The following ACYP2 variants were observed in gnomAD, a reference collection of about 807,000 sequenced individuals.
ACYP2 encodes the protein acylphosphatase 2, also known as acylphosphatase-2.
ACYP2 carries 12 observed loss-of-function variants against 11.2 expected under a neutral mutation model. The observed-to-expected ratio is 1.08, with a 90% CI of 0.69 to 1.74. The LOEUF is 1.74. Among genes scored for constraint, ACYP2 ranks in the 40% most tolerant of loss-of-function variants. The pLI is 0.00. For missense variants in ACYP2, 134 were observed against 101.9 expected, an observed-to-expected ratio of 1.31 and a Z score of -1.35; for synonymous variants, 43 against 32.2, an observed-to-expected ratio of 1.33 and a Z score of -1.13.
At position 54,038,673 on chromosome 2, in the gene ACYP2, CTATATA is replaced by C. The variant is rs56817782; in HGVS notation, c.63-12250_63-12245del. Among the ~76,000 whole-genome samples the C allele has an allele frequency of 5.7e-3, 603 of 106,022 alleles. 3 individuals carry two copies. Among genetic ancestry groups the C allele is most frequent in the African/African-American group, 0.013 (337 of 26,790 alleles). The allele number at this position is 106,022 out of a possible 152,430, so 69.6% of individuals were successfully genotyped here. A position where few individuals can be genotyped will look rare whatever the true frequency, so the allele number is the denominator to read the frequency against. The stretch of plus-strand genomic sequence containing the variant: ...TCATTCAATAAATCTTTATTGAATA[CTATATA>C]TATATATATATATATATATATATAT... On this transcript the variant is annotated intron_variant, in intron 2 of 6. Transcript: ENST00000607452.
chr2:54,044,493 G>A (rs1284096869), intron 2 of ACYP2, among the ~76,000 whole-genome samples: 1 of 151,878 alleles, frequency 6.6e-6, no homozygotes, highest in Non-Finnish European at 1.5e-5. Flanking sequence ...AGGCTGAGGT[G>A]GGAGGATCAC....
chr2:54,284,207 C>T (rs761181377), intron 6 of ACYP2, among the ~76,000 whole-genome samples: 6 of 151,804 alleles, frequency 4.0e-5, no homozygotes, highest in Non-Finnish European at 8.8e-5. Context: ...AAAGCATCCA[C>T]ATGCTTGTAG....
rs147416904 is a variant in ACYP2 at position 54,010,875 on chromosome 2, C to A, written c.62+37065C>A. Among the ~76,000 whole-genome samples the A allele has an allele frequency of 9.8e-4, 148 of 150,570 alleles. 1 individual carries two copies. The highest frequency in any genetic ancestry group is 3.5e-3 in the African/African-American group (145 of 40,924). ...GTAGAGACCAGGTTTCACCATGTTG[C>A]CCAGGCTGGTCTCGAACTCCTGATC... On this transcript the variant is annotated intron_variant, in intron 2 of 6. Coordinates refer to ENST00000607452, the MANE Select transcript of ACYP2 (RefSeq NM_001320586.2).
chr2:54,263,114 A>T (rs1687852265), intron 6 of ACYP2, among the ~76,000 whole-genome samples: 1 of 152,194 alleles, frequency 6.6e-6, no homozygotes, highest in Non-Finnish European at 1.5e-5. Flanking sequence ...TAAAGAAAAA[A>T]GTGTAATTGG....
At chr2:54,022,159 C>T (rs1573540004) in intron 2 of ACYP2, among the ~76,000 whole-genome samples, 2 of 151,950 alleles carry the variant, frequency 1.3e-5, no homozygotes, top group South Asian at 4.1e-4. Context: ...TTGCTTTTTT[C>T]CCTCTCTCCT....
At chr2:53,975,351 T>C (rs751351549) in intron 2 of ACYP2, 27 of 398,316 alleles carry the variant, frequency 6.8e-5, no homozygotes, top group Non-Finnish European at 1.1e-4. Flanking sequence ...CCTCTTATTC[T>C]AAATAAAGTT....
chr2:54,223,358 T>G (rs1286271898), intron 6 of ACYP2, among the ~76,000 whole-genome samples: 1 of 152,256 alleles, frequency 6.6e-6, no homozygotes, highest in African/African-American at 2.4e-5. Flanking sequence ...AGTCTATCTT[T>G]AGAATTTTAG....
At chr2:54,175,939 G>C (rs376557394) in intron 6 of ACYP2, among the ~76,000 whole-genome samples, 4 of 152,102 alleles carry the variant, frequency 2.6e-5, no homozygotes, top group African/African-American at 9.7e-5. Context: ...CACAAATGGG[G>C]TTAGCACCCT....
At chr2:54,039,021 A>C (rs1383536987) in intron 2 of ACYP2, among the ~76,000 whole-genome samples, 2 of 151,874 alleles carry the variant, frequency 1.3e-5, no homozygotes, top group African/African-American at 2.4e-5. Context: ...ACATCCCAGG[A>C]ACAGCTAGTA....
intron 2 of ACYP2, among the ~76,000 whole-genome samples, chr2:54,012,562 C>G (rs1558470850): frequency 6.6e-6 from 1 of 152,170 alleles, no homozygotes; most frequent in Non-Finnish European, 1.5e-5. Context: ...TCTCTGCTCT[C>G]CCTATGCTGA....
Position 54,222,549 on chromosome 2 carries a change from CAAAAAAAA to C in ACYP2, c.405-82126_405-82119del, listed in dbSNP as rs10607204. Among the ~76,000 whole-genome samples, 8 of 106,494 alleles carry C rather than the reference CAAAAAAAA, an allele frequency of 7.5e-5. No individual in the cohort carries two copies. In the South Asian group the frequency reaches 2.6e-3, roughly 34 times the overall value. 69.9% of individuals were successfully genotyped at this position (106,494 alleles called of 152,430 possible). A position where few individuals can be genotyped will look rare whatever the true frequency, so the allele number is the denominator to read the frequency against. ...TGGGTGACAGAGCGAGACTCTGTCT[CAAAAAAAA>C]AAAAAAAAAAAATTACAAACTGATT... On this transcript the variant is annotated intron_variant, in intron 6 of 6. Transcript: ENST00000607452.
At chr2:54,276,211 C>G (rs1482818172) in intron 6 of ACYP2, among the ~76,000 whole-genome samples, 1 of 151,002 alleles carries the variant, frequency 6.6e-6, no homozygotes, top group Non-Finnish European at 1.5e-5. Context: ...AAGTCCTTAG[C>G]AAGCTGTGCA....
intron 6 of ACYP2, among the ~76,000 whole-genome samples, chr2:54,231,228 C>T (rs896853642): frequency 1.3e-5 from 2 of 152,184 alleles, no homozygotes; most frequent in African/African-American, 2.4e-5. Flanking sequence ...GGCACACGTT[C>T]TCAGGACCTC....
chr2:53,992,154 TC>T (rs1342753565), intron 2 of ACYP2, among the ~76,000 whole-genome samples: 3 of 148,790 alleles, frequency 2.0e-5, no homozygotes, highest in African/African-American at 7.6e-5. Flanking sequence ...TTTCTTTCTT[TC>T]CTTCCTTCCT....
At chr2:54,153,816 G>T (rs929145085) in intron 6 of ACYP2, among the ~76,000 whole-genome samples, 2 of 151,914 alleles carry the variant, frequency 1.3e-5, no homozygotes, top group Non-Finnish European at 2.9e-5. Flanking sequence ...TAGCCAGAAT[G>T]GTCTCAATCT....
intron 2 of ACYP2, among the ~76,000 whole-genome samples, chr2:54,013,130 A>C (rs1341510908): frequency 6.6e-6 from 1 of 151,518 alleles, no homozygotes; most frequent in African/African-American, 2.4e-5. Context: ...GCTTTCTCTG[A>C]GCTCCTTTTA....
chr2:54,258,504 TTTATTC>T (rs1159497614), intron 6 of ACYP2, among the ~76,000 whole-genome samples: 7 of 151,366 alleles, frequency 4.6e-5, no homozygotes, highest in African/African-American at 1.7e-4. Flanking sequence ...AAATTTGGCT[TTTATTC>T]TTAGTGAAAT....
At chr2:54,217,745 A>G (rs1214696242) in intron 6 of ACYP2, among the ~76,000 whole-genome samples, 1 of 152,152 alleles carries the variant, frequency 6.6e-6, no homozygotes, top group Non-Finnish European at 1.5e-5. Context: ...GGAAAAGATC[A>G]TGGGTTAAAA....
At chr2:54,283,795 T>C (rs772105077) in intron 6 of ACYP2, among the ~76,000 whole-genome samples, 11 of 152,240 alleles carry the variant, frequency 7.2e-5, no homozygotes, top group Non-Finnish European at 1.5e-4. Flanking sequence ...TGATGTAGAA[T>C]GTAGACACTG....
Sources: gnomAD v4.1 joint callset for allele counts (sites outside exome capture counted in the v4.1 genomes callset) on GRCh38, gnomAD v4.1.1 for gene constraint, MANE v1.5 for transcripts, NCBI Gene and HGNC (gene_info 2026-07-23, HGNC 2026-07-21) for gene names.